ATP8A2: variants seen among roughly 807,000 people sequenced by gnomAD.
ATP8A2 encodes phospholipid-transporting ATPase IB.
Under a neutral mutation model 165.6 loss-of-function variants are expected in ATP8A2, and 100 were observed. That is an observed-to-expected ratio of 0.60 (90% CI 0.51 to 0.71). ATP8A2 has a LOEUF of 0.71. Ranked by LOEUF, ATP8A2 falls within the 30% of genes least tolerant of loss-of-function variation. ATP8A2 has a pLI of 0.00. For missense variants in ATP8A2, 1,227 were observed against 1,479.5 expected, an observed-to-expected ratio of 0.83 and a Z score of 2.80; for synonymous variants, 543 against 548.8, an observed-to-expected ratio of 0.99 and a Z score of 0.15.
intron 25 of ATP8A2, among the ~76,000 whole-genome samples, chr13:25,746,978 C>T (rs921056548): frequency 1.3e-4 from 20 of 152,168 alleles, no homozygotes; most frequent in Middle Eastern, 3.2e-3. Flanking sequence ...TGTGGGGAAA[C>T]ACAGAGCCTA....
chr13:25,929,210 T>G (rs189767), intron 33 of ATP8A2, among the ~76,000 whole-genome samples: 1 of 151,986 alleles, frequency 6.6e-6, no homozygotes, highest in Non-Finnish European at 1.5e-5. Context: ...CAGAGTGGGC[T>G]GGAGAGCACC....
intron 24 of ATP8A2, among the ~76,000 whole-genome samples, chr13:25,593,189 C>G (rs965510809): frequency 1.3e-5 from 2 of 152,092 alleles, no homozygotes; most frequent in African/African-American, 4.8e-5. Flanking sequence ...GTGGAGCTCC[C>G]AGGTTGAGAA....
intron 30 of ATP8A2, among the ~76,000 whole-genome samples, chr13:25,845,431 A>G (rs888457212): frequency 2.6e-5 from 4 of 152,222 alleles, no homozygotes; most frequent in South Asian, 2.1e-4. Flanking sequence ...TATGCTTAAC[A>G]AAAGAAAAGA....
intron 33 of ATP8A2, among the ~76,000 whole-genome samples, chr13:25,904,139 A>G (rs1246179703): frequency 6.6e-6 from 1 of 152,202 alleles, no homozygotes; most frequent in Non-Finnish European, 1.5e-5. Flanking sequence ...TGCTCTAGCA[A>G]GCGTTTCCTC....
At chr13:25,538,595 A>G (rs1287933997) in intron 7 of ATP8A2, among the ~76,000 whole-genome samples, 2 of 152,266 alleles carry the variant, frequency 1.3e-5, no homozygotes, top group South Asian at 2.1e-4. Context: ...TTATTCTAGG[A>G]AGGAATCATC....
intron 33 of ATP8A2, among the ~76,000 whole-genome samples, chr13:25,884,010 C>G (rs543288854): frequency 6.6e-6 from 1 of 152,214 alleles, no homozygotes; most frequent in South Asian, 2.1e-4. Context: ...TGGCCTTTTC[C>G]CTTTAGGAGA....
At chr13:25,535,211 A>G (rs1396025698) in intron 6 of ATP8A2, among the ~76,000 whole-genome samples, 2 of 152,170 alleles carry the variant, frequency 1.3e-5, no homozygotes, top group Non-Finnish European at 2.9e-5. Flanking sequence ...CAGAGGTGTC[A>G]GGCAAGGGGA....
intron 24 of ATP8A2, among the ~76,000 whole-genome samples, chr13:25,673,208 C>G (rs2042302786): frequency 6.6e-6 from 1 of 152,132 alleles, no homozygotes; most frequent in African/African-American, 2.4e-5. Context: ...TCTCACTGTT[C>G]CTGTGATTTT....
intron 35 of ATP8A2, among the ~76,000 whole-genome samples, chr13:25,992,761 A>C (rs1388072809): frequency 1.3e-5 from 2 of 151,714 alleles, no homozygotes; most frequent in African/African-American, 2.4e-5. Flanking sequence ...ATATGTATAC[A>C]TGTGCCATGC....
At chr13:25,870,072 T>C (rs1593478888) in intron 33 of ATP8A2, among the ~76,000 whole-genome samples, 1 of 152,176 alleles carries the variant, frequency 6.6e-6, no homozygotes, top group South Asian at 2.1e-4. Flanking sequence ...AGAAGGGAGA[T>C]GACTTTTCCC....
intron 34 of ATP8A2, among the ~76,000 whole-genome samples, chr13:25,965,910 C>T (rs1031008937): frequency 6.6e-6 from 1 of 151,648 alleles, no homozygotes; most frequent in Non-Finnish European, 1.5e-5. Context: ...AACTTTCTAA[C>T]TAAACTAATT....
rs192609549 is a variant in ATP8A2, at chr13:25,927,046, T to A, written c.3184-34529T>A. 8.6e-5 allele frequency: 38 copies of A among 442,218 alleles called. No homozygotes were observed. The Admixed American group carries it at 8.8e-4, about 10-fold the overall frequency. The allele number at this position is 442,218 out of a possible 1,614,324, so 27.4% of individuals were successfully genotyped here. ...CTCCTTGCCACTCTCTCCTGTGTGATTGTTTTGTGTTTGATTTGCCTCCTA... is the reference window on the plus strand; with the variant it reads ...CTCCTTGCCACTCTCTCCTGTGTGAATGTTTTGTGTTTGATTTGCCTCCTA... On this transcript the variant is annotated intron_variant, in intron 33 of 36. Coordinates refer to ENST00000381655, the MANE Select transcript of ATP8A2 (RefSeq NM_016529.6).
At position 25,657,052 on chromosome 13, in the gene ATP8A2, C is replaced by CAA. The variant is rs57955107; in HGVS notation, c.2212-42093_2212-42092dup. Among the ~76,000 whole-genome samples, 335 of 67,726 alleles carry CAA rather than the reference C, an allele frequency of 4.9e-3. 47 individuals are homozygous for CAA. The East Asian group carries it at 0.077, about 16-fold the overall frequency. The allele number at this position is 67,726 out of a possible 152,430, so 44.4% of individuals were successfully genotyped here. ...TGGGTGACAGATCGAGACTCTGTCT[C>CAA]AAAAAAAAAAAAAAAAAAAAAAAAA... is the stretch of plus-strand genomic sequence containing the variant. On this transcript the variant is annotated intron_variant, in intron 24 of 36. Transcript: ENST00000381655.
intron 24 of ATP8A2, among the ~76,000 whole-genome samples, chr13:25,622,406 T>G (rs2040993731): frequency 6.6e-6 from 1 of 152,022 alleles, no homozygotes; most frequent in African/African-American, 2.4e-5. Flanking sequence ...GGCTACCACA[T>G]GAAAGTGGGA....
At chr13:25,429,857 G>A (rs140084415) in intron 1 of ATP8A2, among the ~76,000 whole-genome samples, 2 of 152,304 alleles carry the variant, frequency 1.3e-5, no homozygotes, top group Non-Finnish European at 2.9e-5. Flanking sequence ...TGGTGACAGG[G>A]AGGTGGCCTG....
At chr13:25,506,354 C>G (rs907754072) in intron 2 of ATP8A2, among the ~76,000 whole-genome samples, 3 of 152,112 alleles carry the variant, frequency 2.0e-5, no homozygotes, top group African/African-American at 7.2e-5. Flanking sequence ...CCTATTTATG[C>G]AAGGTATAGA....
intron 36 of ATP8A2, among the ~76,000 whole-genome samples, chr13:26,019,255 G>C (rs1235261854): frequency 6.6e-6 from 1 of 152,140 alleles, no homozygotes; most frequent in Admixed American, 6.5e-5. Flanking sequence ...AAAATAGCTG[G>C]GCGTGGTGGT....
intron 1 of ATP8A2, among the ~76,000 whole-genome samples, chr13:25,424,964 A>G (rs1283661837): frequency 6.6e-6 from 1 of 152,120 alleles, no homozygotes; most frequent in East Asian, 1.9e-4. Flanking sequence ...GTCTCAAATA[A>G]ATAAATAAAG....
At chr13:25,933,816 T>G (rs1954822840) in intron 33 of ATP8A2, among the ~76,000 whole-genome samples, 1 of 152,220 alleles carries the variant, frequency 6.6e-6, no homozygotes, top group African/African-American at 2.4e-5. Flanking sequence ...GCAGTGAGCT[T>G]GGCTGCAGCT....
Sources: gnomAD v4.1 joint callset for allele counts (sites outside exome capture counted in the v4.1 genomes callset) on GRCh38, gnomAD v4.1.1 for gene constraint, MANE v1.5 for transcripts, NCBI Gene and HGNC (gene_info 2026-07-23, HGNC 2026-07-21) for gene names.